Variants in CCSER1 observed in about 807,000 individuals in gnomAD.
The protein encoded by CCSER1 is serine-rich coiled-coil domain-containing protein 1.
A neutral mutation model predicts 82.0 loss-of-function variants in CCSER1; 41 were observed. The ratio of observed to expected loss-of-function variants is 0.50; its 90% confidence interval spans 0.39 to 0.65. CCSER1 has a LOEUF of 0.65. CCSER1 is among the 30% of genes least tolerant of loss of function. The pLI, the probability that CCSER1 is intolerant of heterozygous loss-of-function variation, is 0.00. For synonymous variants in CCSER1, 414 were observed against 383.9 expected (o/e 1.08, Z -0.92); for missense variants, 1,119 against 1,064.2 (o/e 1.05, Z -0.72).
chr4:90,358,422 T>G (rs1744727907), intron 3 of CCSER1, among the ~76,000 whole-genome samples: 2 of 152,150 alleles, frequency 1.3e-5, no homozygotes, highest in Non-Finnish European at 2.9e-5. Context: ...TCAAACCTGA[T>G]AGTAGTATTG....
At chr4:91,145,506 G>A (rs954827500) in intron 10 of CCSER1, among the ~76,000 whole-genome samples, 1 of 152,028 alleles carries the variant, frequency 6.6e-6, no homozygotes, top group African/African-American at 2.4e-5. Flanking sequence ...GTTGTTAGCT[G>A]GTTGCTTTGA....
intron 1 of CCSER1, among the ~76,000 whole-genome samples, chr4:90,206,679 A>G (rs12651586): frequency 0.65 from 97,309 of 149,548 alleles, 34,145 homozygotes; most frequent in African/African-American, 0.91. Flanking sequence ...TGTTGATTTG[A>G]GGTGGAGAGT....
intron 1 of CCSER1, among the ~76,000 whole-genome samples, chr4:90,290,352 A>G (rs1242189872): frequency 6.6e-6 from 1 of 151,922 alleles, no homozygotes; most frequent in Non-Finnish European, 1.5e-5. Flanking sequence ...TAGGAAATAT[A>G]TACATAGGAT....
intron 5 of CCSER1, among the ~76,000 whole-genome samples, chr4:90,509,249 T>C (rs1771142386): frequency 6.6e-6 from 1 of 152,158 alleles, no homozygotes; most frequent in Non-Finnish European, 1.5e-5. Flanking sequence ...CAAGTTTTAC[T>C]TCACACTTCC....
At chr4:90,965,988 G>A (rs781667692) in intron 9 of CCSER1, among the ~76,000 whole-genome samples, 1 of 152,010 alleles carries the variant, frequency 6.6e-6, no homozygotes, top group South Asian at 2.1e-4. Context: ...TACCTTCATG[G>A]ACTCAACAGT....
At chr4:91,100,643 G>T (rs1196862503) in intron 10 of CCSER1, among the ~76,000 whole-genome samples, 1 of 152,108 alleles carries the variant, frequency 6.6e-6, no homozygotes, top group Admixed American at 6.5e-5. Flanking sequence ...TTATATTACA[G>T]ATGAGAGAAA....
intron 10 of CCSER1, among the ~76,000 whole-genome samples, chr4:91,348,719 A>C (rs1560603787): frequency 6.6e-6 from 1 of 152,138 alleles, no homozygotes; most frequent in Admixed American, 6.5e-5. Flanking sequence ...CATCCAGGTT[A>C]TCAAATGTGT....
chr4:90,226,242 G>A (rs760239837), intron 1 of CCSER1, among the ~76,000 whole-genome samples: 22 of 152,188 alleles, frequency 1.4e-4, no homozygotes, highest in Non-Finnish European at 2.6e-4. Flanking sequence ...TGCTCAGATT[G>A]TAAAATCATA....
At chr4:90,643,922 T>A (rs571640411) in intron 6 of CCSER1, among the ~76,000 whole-genome samples, 27 of 152,302 alleles carry the variant, frequency 1.8e-4, no homozygotes, top group Admixed American at 7.9e-4. Flanking sequence ...AAGTTTTTTT[T>A]AATTTTAGTA....
intron 10 of CCSER1, among the ~76,000 whole-genome samples, chr4:91,268,649 T>C (rs1311441183): frequency 2.6e-5 from 4 of 152,066 alleles, no homozygotes; most frequent in Admixed American, 2.6e-4. Flanking sequence ...GTAAAGACAG[T>C]CAGCAAAGGG....
At chr4:91,148,617 G>C (rs1729788774) in intron 10 of CCSER1, among the ~76,000 whole-genome samples, 1 of 152,048 alleles carries the variant, frequency 6.6e-6, no homozygotes, top group South Asian at 2.1e-4. Context: ...TATATCTCCT[G>C]ATGCTATCCA....
intron 6 of CCSER1, among the ~76,000 whole-genome samples, chr4:90,651,879 G>A (rs1728815353): frequency 6.6e-6 from 1 of 152,086 alleles, no homozygotes; most frequent in Non-Finnish European, 1.5e-5. Context: ...CACAATGTGT[G>A]TATCCCTTCC....
At chr4:91,488,225 A>G in intron 10 of CCSER1, among the ~76,000 whole-genome samples, 1 of 152,220 alleles carries the variant, frequency 6.6e-6, no homozygotes, top group East Asian at 1.9e-4. Context: ...ATTATCAAAT[A>G]AAATTGTTTG....
In CCSER1 at chr4:91,363,476, GTAAC is replaced by G. The variant is rs1471345577; in HGVS notation, c.2218-235092_2218-235089del. Among the ~76,000 whole-genome samples the G allele has an allele frequency of 7.9e-5, 12 of 151,518 alleles. No individual in the cohort carries two copies. The Middle Eastern group carries it at 0.01, about 132-fold the overall frequency. ...AAAAACTGTTGAAACAGCTGATTCA[GTAAC>G]TAAACTGGCTTGTCAAGGAATAACT... On this transcript the variant is annotated intron_variant, in intron 10 of 10. Transcript: ENST00000509176.
chr4:90,196,096 C>CTTT (rs5860192), intron 1 of CCSER1, among the ~76,000 whole-genome samples: 3 of 124,368 alleles, frequency 2.4e-5, no homozygotes, highest in Admixed American at 8.2e-5. Flanking sequence ...ACTTTCCTAG[C>CTTT]TTTTTTTTTT....
At chr4:90,485,230 A>G (rs140051823) in intron 5 of CCSER1, among the ~76,000 whole-genome samples, 2,285 of 152,230 alleles carry the variant, frequency 0.015, 38 homozygotes, top group African/African-American at 0.044. Flanking sequence ...GGAAGAGCGC[A>G]GTATTAGGGT....
At chr4:90,977,386 A>G (rs1267165908) in intron 9 of CCSER1, among the ~76,000 whole-genome samples, 1 of 151,610 alleles carries the variant, frequency 6.6e-6, no homozygotes, top group Non-Finnish European at 1.5e-5. Context: ...GTATATATAT[A>G]TGTATATATA....
chr4:91,059,692 T>C (rs1743795330), intron 9 of CCSER1, among the ~76,000 whole-genome samples: 1 of 151,926 alleles, frequency 6.6e-6, no homozygotes, highest in Non-Finnish European at 1.5e-5. Context: ...ATCAGTCATA[T>C]TTCCATTTTT....
intron 10 of CCSER1, among the ~76,000 whole-genome samples, chr4:91,327,507 C>T (rs1158899668): frequency 6.6e-6 from 1 of 152,218 alleles, no homozygotes; most frequent in East Asian, 1.9e-4. Context: ...CCTCCTAGGC[C>T]TCCAGGCCTG....
Sources: allele counts gnomAD v4.1 joint callset (sites outside exome capture counted in the v4.1 genomes callset), GRCh38; gene constraint gnomAD v4.1.1; transcripts MANE v1.5; gene names NCBI Gene and HGNC (gene_info 2026-07-23, HGNC 2026-07-21).